The following PCDHGB5 variants were observed in gnomAD, a reference collection of about 807,000 sequenced individuals.
PCDHGB5 encodes the protein protocadherin gamma subfamily B, 5.
PCDHGB5 carries 48 observed loss-of-function variants against 62.9 expected under a neutral mutation model. The observed-to-expected ratio is 0.76, with a 90% CI of 0.61 to 0.97. PCDHGB5 has a LOEUF of 0.97. Among genes scored for constraint, PCDHGB5 ranks in the 50% least tolerant of loss-of-function variants. The probability of loss-of-function intolerance (pLI) is 0.00; values close to 1 mark genes in which losing one functional copy is unlikely to be tolerated. For missense variants in PCDHGB5, 1,118 were observed against 1,198.6 expected, an observed-to-expected ratio of 0.93 and a Z score of 0.99; for synonymous variants, 474 against 511.2, an observed-to-expected ratio of 0.93 and a Z score of 0.98.
chr5:141,440,780 C>T (rs748247053), intron 1 of PCDHGB5: 1 of 152,158 alleles, frequency 6.6e-6, no homozygotes, highest in African/African-American at 2.4e-5. Flanking sequence ...GTGCTAGCAG[C>T]CTTAGACGGC....
intron 1 of PCDHGB5, chr5:141,408,447 G>A (rs536531313): frequency 3.1e-6 from 5 of 1,614,064 alleles, no homozygotes; most frequent in Admixed American, 1.7e-5. Context: ...GCGGAGAGCG[G>A]GGACTTACTT....
chr5:141,433,374 T>A (rs948922353), intron 1 of PCDHGB5, among the ~76,000 whole-genome samples: 36 of 150,958 alleles, frequency 2.4e-4, no homozygotes, highest in African/African-American at 8.6e-4. Flanking sequence ...TATCTATCTA[T>A]CTATCTATCT....
intron 1 of PCDHGB5, chr5:141,441,823 C>T (rs538052540): frequency 3.9e-5 from 14 of 357,336 alleles, no homozygotes; most frequent in Non-Finnish European, 6.6e-5. Context: ...AGCTCTGGAG[C>T]GCAATGGCTT....
chr5:141,405,797 T>C (rs1589594153), intron 1 of PCDHGB5, among the ~76,000 whole-genome samples: 1 of 148,508 alleles, frequency 6.7e-6, no homozygotes, highest in Non-Finnish European at 1.5e-5. Flanking sequence ...CTATTATAGT[T>C]AGCTTTCTCT....
In PCDHGB5 at chr5:141,404,936, G is replaced by A. The variant is rs755365273; in HGVS notation, c.2397+4412G>A. ...TCTCTCGGCCACTGTCACGCTCACA[G>A]TAGCCATAGCTGACAGCATCCCAGA... is the stretch of plus-strand genomic sequence containing the variant. On this transcript the variant is annotated intron_variant, in intron 1 of 3. Coordinates refer to ENST00000617380, the MANE Select transcript of PCDHGB5 (RefSeq NM_018925.3). 1.9e-6 allele frequency: 3 copies of A among 1,613,858 alleles called. No individual in the cohort carries two copies. The South Asian group carries it at 3.3e-5, about 18-fold the overall frequency.
At chr5:141,413,229 C>A in intron 1 of PCDHGB5, 1 of 1,613,914 alleles carries the variant, frequency 6.2e-7, no homozygotes, top group South Asian at 1.1e-5. Context: ...GCGGGCTGGT[C>A]CTGCTCTGCC....
chr5:141,410,780 A>T, intron 1 of PCDHGB5: 1 of 803,810 alleles, frequency 1.2e-6, no homozygotes. Context: ...TTCACTATGT[A>T]TTTGGTTCAT....
chr5:141,427,875 C>A, intron 1 of PCDHGB5: 1 of 1,560,408 alleles, frequency 6.4e-7, no homozygotes. Flanking sequence ...GCTCACGATG[C>A]AGGCCCACGA....
chr5:141,507,631 C>T (rs1435446169), intron 3 of PCDHGB5, among the ~76,000 whole-genome samples: 4 of 152,236 alleles, frequency 2.6e-5, no homozygotes, highest in East Asian at 3.8e-4. Context: ...TGTGGCCTTG[C>T]GCCCTGAGGC....
In PCDHGB5 at chr5:141,432,167, T is replaced by G. The variant is rs559707772; in HGVS notation, c.2397+31643T>G. The G allele has an allele frequency of 1.4e-5, 22 of 1,613,962 alleles. No homozygotes were observed. The highest frequency in any genetic ancestry group is 9.3e-5 in the African/African-American group (7 of 74,972). On this transcript the variant is annotated intron_variant, in intron 1 of 3. Coordinates refer to ENST00000617380, the MANE Select transcript of PCDHGB5 (RefSeq NM_018925.3). The surrounding 1 kb of genome is among the most constrained non-coding windows in gnomAD (Gnocchi z 6.0). Reference sequence around the variant, plus strand: ...CCCAGAGAACAATCCCAGAGGAGTTTCCCTCGTCTCTGTGACCGCCCACGA... The same window carrying G: ...CCCAGAGAACAATCCCAGAGGAGTTGCCCTCGTCTCTGTGACCGCCCACGA...
chr5:141,433,098 T>G, intron 1 of PCDHGB5: 1 of 1,614,204 alleles, frequency 6.2e-7, no homozygotes, highest in Non-Finnish European at 8.5e-7. Context: ...GACATGCTCG[T>G]CAGCCAGGAG....
chr5:141,397,975 G>T lies in PCDHGB5; in HGVS notation c.-153G>T. On this transcript the variant is annotated 5_prime_UTR_variant, in exon 1 of 4. Transcript: ENST00000617380. The stretch of plus-strand genomic sequence containing the variant: ...GCCCCAGCTCAGACTCCCCAGCGCC[G>T]GCCTTTACACCGCTTCCTCCTCGGA... The T allele has an allele frequency of 3.4e-6, 4 of 1,189,018 alleles. No homozygotes were observed. The highest frequency in any genetic ancestry group is 4.6e-6 in the Non-Finnish European group (4 of 862,060). 73.7% of individuals were successfully genotyped at this position (1,189,018 alleles called of 1,614,324 possible).
At chr5:141,451,154 TTTTTGGTAGTATA>T (rs2098709149) in intron 1 of PCDHGB5, among the ~76,000 whole-genome samples, 1 of 152,152 alleles carries the variant, frequency 6.6e-6, no homozygotes, top group Non-Finnish European at 1.5e-5. Flanking sequence ...ACTAGACATT[TTTTTGGTAGTATA>T]TTATTTAGCC....
At chr5:141,411,631 C>G (rs570915798) in intron 1 of PCDHGB5, 1 of 151,812 alleles carries the variant, frequency 6.6e-6, no homozygotes, top group South Asian at 2.1e-4. Context: ...TGCTGTAATC[C>G]CAGCACTTTG....
chr5:141,427,998 C>T, intron 1 of PCDHGB5: 1 of 1,600,956 alleles, frequency 6.2e-7, no homozygotes, highest in Non-Finnish European at 8.6e-7. Flanking sequence ...TGGCTCCGCA[C>T]TCTTCGATAT....
At chr5:141,480,935 C>G (rs1297213622) in intron 1 of PCDHGB5, among the ~76,000 whole-genome samples, 1 of 152,092 alleles carries the variant, frequency 6.6e-6, no homozygotes, top group Non-Finnish European at 1.5e-5. Flanking sequence ...GTCCCAGCTA[C>G]TCTAGAGGCT....
At chr5:141,466,929 T>C (rs2099132302) in intron 1 of PCDHGB5, among the ~76,000 whole-genome samples, 1 of 152,232 alleles carries the variant, frequency 6.6e-6, no homozygotes, top group African/African-American at 2.4e-5. Context: ...TTAGGAATAT[T>C]AGTCCTTTGT....
rs773729429 is a variant in PCDHGB5, at chr5:141,491,406, C to T, written c.2398-3401C>T. ...CGAAGTGCCTTCAGGGAAACGCAGA[C>T]GGGGACGGGGGTGGAGGGCAGTGCT... On this transcript the variant is annotated intron_variant, in intron 1 of 3. Transcript: ENST00000617380. The surrounding 1 kb of genome is among the most constrained non-coding windows in gnomAD (Gnocchi z 6.9). The T allele has an allele frequency of 1.2e-6, 2 of 1,614,096 alleles. No homozygotes were observed. The highest frequency in any genetic ancestry group is 1.7e-6 in the Non-Finnish European group (2 of 1,179,990).
At chr5:141,427,818 G>A (rs1356936077) in intron 1 of PCDHGB5, 3 of 1,530,644 alleles carry the variant, frequency 2.0e-6, no homozygotes, top group Non-Finnish European at 2.7e-6. Context: ...GAGCGGGGTG[G>A]TGGTCGCGCA....
Sources: gnomAD v4.1 joint callset for allele counts (sites outside exome capture counted in the v4.1 genomes callset) on GRCh38, gnomAD v4.1.1 for gene constraint, Gnocchi (gnomAD v3.1) non-coding constraint, MANE v1.5 for transcripts, NCBI Gene and HGNC (gene_info 2026-07-23, HGNC 2026-07-21) for gene names.